The following SLC22A2 variants were observed in gnomAD, a reference collection of about 807,000 sequenced individuals.
SLC22A2 encodes the protein solute carrier family 22 member 2, also known as organic cation transporter 2.
SLC22A2 carries 46 observed loss-of-function variants against 60.5 expected under a neutral mutation model. That is an observed-to-expected ratio of 0.76 (90% CI 0.60 to 0.97). The LOEUF is 0.97. Ranked by LOEUF, SLC22A2 falls within the 50% of genes least tolerant of loss-of-function variation. SLC22A2 has a pLI of 0.00. For missense variants in SLC22A2, 701 were observed against 706.6 expected (o/e 0.99, Z 0.09); for synonymous variants, 303 against 267.0 (o/e 1.13, Z -1.31).
chr6:160,219,137 C>T (rs1188739985), intron 10 of SLC22A2, among the ~76,000 whole-genome samples: 1 of 18 alleles, frequency 0.056, no homozygotes, highest in Non-Finnish European at 0.25. Context: ...AACAGCAGTA[C>T]GAACACCAGC....
At chr6:160,227,217 A>G (rs1228087791) in intron 9 of SLC22A2, among the ~76,000 whole-genome samples, 1 of 152,178 alleles carries the variant, frequency 6.6e-6, no homozygotes, top group Non-Finnish European at 1.5e-5. Flanking sequence ...TCTGTATAGG[A>G]AACATTTGCC....
rs753334504 is a variant in SLC22A2, at chr6:160,258,779, C to T, written c.-22G>A. On this transcript the variant is annotated 5_prime_UTR_variant, in exon 1 of 11. Transcript: ENST00000366953. ...GCATGATCCTGCAGGCAGGAGGGCC[C>T]GAGGCTGCCCGACGTGCCCGGAGCG... 2.6e-6 allele frequency: 4 copies of T among 1,518,938 alleles called. No homozygotes were observed. The highest frequency in any genetic ancestry group is 3.5e-6 in the Non-Finnish European group (4 of 1,133,632). The allele number at this position is 1,518,938 out of a possible 1,614,324, so 94.1% of individuals were successfully genotyped here. A position where few individuals can be genotyped will look rare whatever the true frequency, so the allele number is the denominator to read the frequency against.
At chr6:160,233,091 G>A (rs1782851186) in intron 9 of SLC22A2, among the ~76,000 whole-genome samples, 1 of 141,628 alleles carries the variant, frequency 7.1e-6, no homozygotes, top group Non-Finnish European at 1.6e-5. Flanking sequence ...AATTTCTCAG[G>A]CCCCCTCCCT....
At chr6:160,226,017 A>T (rs568563175) in intron 9 of SLC22A2, among the ~76,000 whole-genome samples, 1 of 152,214 alleles carries the variant, frequency 6.6e-6, no homozygotes, top group African/African-American at 2.4e-5. Context: ...TAGCCACAAC[A>T]TAAGAAATTA....
intron 10 of SLC22A2, among the ~76,000 whole-genome samples, chr6:160,220,866 G>A (rs1043015921): frequency 6.6e-6 from 1 of 152,164 alleles, no homozygotes; most frequent in African/African-American, 2.4e-5. Flanking sequence ...CAGATGTACT[G>A]TTATCTGTAC....
chr6:160,224,866 G>A, intron 9 of SLC22A2, 62 bp from the exon 10 acceptor site: 1 of 969,400 alleles, frequency 1.0e-6, no homozygotes. Flanking sequence ...TATAATTAGA[G>A]TTTCCCTTAT....
rs760434643 is a variant in SLC22A2 at position 160,243,753 on chromosome 6, G to C, written c.1098C>G (p.Ile366Met). 22 of 1,613,952 alleles carry C rather than the reference G, an allele frequency of 1.4e-5. No individual in the cohort carries two copies. The Admixed American group carries it at 3.5e-4, about 26-fold the overall frequency. The change falls in exon 7 of 11, where the codon ATC becomes ATG. Residue 366 changes from isoleucine (I) to methionine (M), a missense_variant. Transcript: ENST00000366953. Reference protein sequence around the residue: ...FTSSVLYQGLIMHMGLAGDNI... With the variant: ...FTSSVLYQGLMMHMGLAGDNI... ...TGTCACCTGCAAGGCCCATGTGCAT[G>C]ATGAGGCCCTGGTAGAGCACAGAGC... is the stretch of plus-strand genomic sequence containing the variant.
intron 3 of SLC22A2, 142 bp from the exon 4 acceptor site, chr6:160,249,526 G>T: frequency 3.0e-6 from 2 of 666,970 alleles, no homozygotes; most frequent in East Asian, 6.1e-5. Context: ...ATTTTTAAGT[G>T]TTTTTTGGTT....
intron 9 of SLC22A2, among the ~76,000 whole-genome samples, chr6:160,240,213 G>A (rs1782975395): frequency 6.6e-6 from 1 of 152,172 alleles, no homozygotes; most frequent in Non-Finnish European, 1.5e-5. Flanking sequence ...AGAGGGGCAG[G>A]TAGGCCGTAG....
chr6:160,229,796 C>T (rs926528580), intron 9 of SLC22A2, among the ~76,000 whole-genome samples: 2 of 151,832 alleles, frequency 1.3e-5, no homozygotes, highest in Admixed American at 6.5e-5. Flanking sequence ...CTCAGCTGAC[C>T]TAAAATCTAA....
chr6:160,245,649 A>C, intron 5 of SLC22A2, 104 bp from the exon 6 acceptor site: 22 of 554,276 alleles, frequency 4.0e-5, no homozygotes, highest in East Asian at 9.7e-5. Flanking sequence ...CGCCCATCTC[A>C]TGCCCAGCAC....
chr6:160,253,280 T>C (rs1458622794), intron 2 of SLC22A2, among the ~76,000 whole-genome samples: 1 of 152,230 alleles, frequency 6.6e-6, no homozygotes, highest in South Asian at 2.1e-4. Context: ...AAATTATAAA[T>C]TTGATTATAT....
chr6:160,254,005 C>A (rs774657541), intron 2 of SLC22A2, among the ~76,000 whole-genome samples: 8 of 152,194 alleles, frequency 5.3e-5, no homozygotes, highest in Non-Finnish European at 8.8e-5. Context: ...TGGCCACATG[C>A]AGTGGCTCAT....
intron 10 of SLC22A2, among the ~76,000 whole-genome samples, chr6:160,221,574 A>G (rs1055167017): frequency 6.6e-6 from 1 of 152,120 alleles, no homozygotes; most frequent in Non-Finnish European, 1.5e-5. Flanking sequence ...GAGCTTAATC[A>G]TTTCTGCCTT....
chr6:160,226,945 T>G (rs1321095806), intron 9 of SLC22A2, among the ~76,000 whole-genome samples: 1 of 152,094 alleles, frequency 6.6e-6, no homozygotes, highest in African/African-American at 2.4e-5. Flanking sequence ...ATCTTAAGAC[T>G]GACACAACAG....
chr6:160,251,574 G>T (rs1281157815), intron 2 of SLC22A2, among the ~76,000 whole-genome samples: 1 of 152,078 alleles, frequency 6.6e-6, no homozygotes, highest in Non-Finnish European at 1.5e-5. Flanking sequence ...TTGACCTGGG[G>T]CCCAATACTG....
intron 6 of SLC22A2, among the ~76,000 whole-genome samples, 155 bp from the exon 7 acceptor site, chr6:160,243,941 C>T (rs1332521399): frequency 6.6e-6 from 1 of 152,184 alleles, no homozygotes; most frequent in Non-Finnish European, 1.5e-5. Context: ...AATCTCTGAT[C>T]TACTTCAGTG....
At chr6:160,222,655 G>T (rs1245512156) in intron 10 of SLC22A2, among the ~76,000 whole-genome samples, 2 of 152,152 alleles carry the variant, frequency 1.3e-5, no homozygotes, top group Admixed American at 6.5e-5. Context: ...GGTGGGAGGT[G>T]GTTGGTTTAG....
chr6:160,256,580 T>C (rs376569187), intron 2 of SLC22A2, 34 bp downstream of exon 2: 1 of 1,458,602 alleles, frequency 6.9e-7, no homozygotes, highest in African/African-American at 1.4e-5. Context: ...ACCTTTGGGA[T>C]TGTTTAAATT....
Sources: allele counts gnomAD v4.1 joint callset (sites outside exome capture counted in the v4.1 genomes callset), GRCh38; gene constraint gnomAD v4.1.1; transcripts MANE v1.5; gene names NCBI Gene and HGNC (gene_info 2026-07-23, HGNC 2026-07-21).